Variants in TRIM24 observed in about 807,000 individuals in gnomAD.
The protein encoded by TRIM24 is tripartite motif containing 24, also known as transcription intermediary factor 1-alpha.
A neutral mutation model predicts 123.9 loss-of-function variants in TRIM24; 29 were observed. The observed-to-expected ratio is 0.23, with a 90% CI of 0.17 to 0.32. The LOEUF is 0.32. Among genes scored for constraint, TRIM24 ranks in the 10% least tolerant of loss-of-function variants. The pLI, the probability that TRIM24 is intolerant of heterozygous loss-of-function variation, is 1.00. For missense variants in TRIM24, 932 were observed against 1,295.3 expected, an observed-to-expected ratio of 0.72 and a Z score of 4.31; for synonymous variants, 456 against 461.1, an observed-to-expected ratio of 0.99 and a Z score of 0.14.
intron 9 of TRIM24, among the ~76,000 whole-genome samples, chr7:138,566,170 A>C (rs1033594696): frequency 6.6e-6 from 1 of 151,892 alleles, no homozygotes; most frequent in Non-Finnish European, 1.5e-5. Context: ...TGATTCCTTC[A>C]CCCAGCCTTC....
At chr7:138,580,350 T>C (rs1450963461) in intron 15 of TRIM24, among the ~76,000 whole-genome samples, 1 of 152,164 alleles carries the variant, frequency 6.6e-6, no homozygotes, top group Admixed American at 6.5e-5. Context: ...TAACTAGATT[T>C]TGATGTTTGT....
intron 7 of TRIM24, among the ~76,000 whole-genome samples, chr7:138,539,840 G>A (rs1412594203): frequency 3.7e-5 from 5 of 134,624 alleles, no homozygotes; most frequent in East Asian, 2.2e-4. Context: ...TCACTCTGTC[G>A]CCCAGGCTGG....
intron 1 of TRIM24, among the ~76,000 whole-genome samples, chr7:138,487,806 CTT>C (rs1031829118): frequency 6.6e-6 from 1 of 151,986 alleles, no homozygotes; most frequent in Non-Finnish European, 1.5e-5. Flanking sequence ...CTAAAATTCT[CTT>C]TTTTTGTTGT....
intron 1 of TRIM24, among the ~76,000 whole-genome samples, chr7:138,473,934 C>T (rs1252635283): frequency 6.6e-6 from 1 of 151,972 alleles, no homozygotes; most frequent in Non-Finnish European, 1.5e-5. Context: ...CCATACCTGG[C>T]TAATTTTTAT....
At chr7:138,515,984 C>G (rs994170082) in intron 3 of TRIM24, among the ~76,000 whole-genome samples, 3 of 152,170 alleles carry the variant, frequency 2.0e-5, no homozygotes, top group African/African-American at 7.2e-5. Context: ...CAATCAGCAT[C>G]TTTGTACCCT....
intron 1 of TRIM24, among the ~76,000 whole-genome samples, chr7:138,502,064 A>G (rs938396464): frequency 5.3e-5 from 8 of 152,146 alleles, no homozygotes; most frequent in Admixed American, 3.3e-4. Context: ...TTTGGTTTCA[A>G]TTTGTTCCTT....
intron 1 of TRIM24, among the ~76,000 whole-genome samples, chr7:138,495,158 G>A (rs772391886): frequency 6.6e-6 from 1 of 152,196 alleles, no homozygotes; most frequent in Non-Finnish European, 1.5e-5. Flanking sequence ...GGAAGGTGAA[G>A]TAGGGCAAAT....
At chr7:138,529,018 G>A in intron 5 of TRIM24, 98 bp from the exon 6 acceptor site, 1 of 576,744 alleles carries the variant, frequency 1.7e-6, no homozygotes. Flanking sequence ...GAGCTTCTAA[G>A]GGCTGAAAAC....
chr7:138,574,644 C>T (rs1797719895), intron 12 of TRIM24, among the ~76,000 whole-genome samples: 1 of 152,024 alleles, frequency 6.6e-6, no homozygotes, highest in Non-Finnish European at 1.5e-5. Context: ...TTAGCTAAGA[C>T]TTAAATAATA....
At chr7:138,536,469 G>C (rs1377878447) in intron 6 of TRIM24, among the ~76,000 whole-genome samples, 1 of 152,222 alleles carries the variant, frequency 6.6e-6, no homozygotes, top group Non-Finnish European at 1.5e-5. Flanking sequence ...GTTGGAGTTT[G>C]GTGGAGGTCC....
intron 1 of TRIM24, among the ~76,000 whole-genome samples, chr7:138,483,006 C>T (rs945092549): frequency 5.5e-4 from 84 of 152,260 alleles, no homozygotes; most frequent in African/African-American, 1.9e-3. Context: ...CAGCCTCAGC[C>T]TCCTGGGCTC....
chr7:138,489,117 T>G (rs908031393), intron 1 of TRIM24, among the ~76,000 whole-genome samples: 1 of 152,196 alleles, frequency 6.6e-6, no homozygotes, highest in Non-Finnish European at 1.5e-5. Flanking sequence ...CTTCTTTGTC[T>G]CCTTTGATCT....
At chr7:138,578,237 C>CT (rs1797806437) in intron 14 of TRIM24, among the ~76,000 whole-genome samples, 1 of 152,008 alleles carries the variant, frequency 6.6e-6, no homozygotes, top group Non-Finnish European at 1.5e-5. Flanking sequence ...CAAAAAATGT[C>CT]TTAGTACATT....
chr7:138,464,704 C>T lies in TRIM24; in HGVS notation c.364+3792C>T, dbSNP rs146642663. ...TAATTTATGGGCCCATGCTATAGGC[C>T]AAACAATAGGTTTGTTGAGGCCAAA... On this transcript the variant is annotated intron_variant, in intron 1 of 18. Transcript: ENST00000343526. 6.6e-5 allele frequency among the ~76,000 whole-genome samples: 10 copies of T among 152,058 alleles called. No individual in the cohort carries two copies. The East Asian group carries it at 1.9e-3, about 29-fold the overall frequency.
chr7:138,544,451 A>G (rs895349412), intron 7 of TRIM24, among the ~76,000 whole-genome samples: 1 of 152,174 alleles, frequency 6.6e-6, no homozygotes, highest in African/African-American at 2.4e-5. Context: ...TATCTTGGCC[A>G]TTGTGAATAA....
chr7:138,494,946 T>G lies in TRIM24; in HGVS notation c.365-9344T>G, dbSNP rs187289351. On this transcript the variant is annotated intron_variant, in intron 1 of 18. Coordinates refer to ENST00000343526, the MANE Select transcript of TRIM24 (RefSeq NM_015905.3). ...AAGCTGTAAAAAAGACTGGTTGAGG[T>G]ACATACCATGTGAGGAAAAAAAGAA... 2.0e-5 allele frequency among the ~76,000 whole-genome samples: 3 copies of G among 152,308 alleles called. No homozygotes were observed. In the East Asian group the frequency reaches 5.8e-4, roughly 29 times the overall value.
At chr7:138,553,388 T>A (rs1473590310) in intron 8 of TRIM24, among the ~76,000 whole-genome samples, 2 of 152,234 alleles carry the variant, frequency 1.3e-5, no homozygotes, top group African/African-American at 4.8e-5. Flanking sequence ...TAAAAGAGAA[T>A]GTTATTGTTT....
intron 1 of TRIM24, among the ~76,000 whole-genome samples, chr7:138,485,750 A>T (rs1387184464): frequency 1.3e-5 from 2 of 152,188 alleles, no homozygotes; most frequent in Non-Finnish European, 2.9e-5. Context: ...ACTGATGGAC[A>T]TTTGGGTTGG....
intron 7 of TRIM24, among the ~76,000 whole-genome samples, chr7:138,545,260 T>C (rs916289591): frequency 6.6e-6 from 1 of 152,112 alleles, no homozygotes; most frequent in Non-Finnish European, 1.5e-5. Flanking sequence ...GGCACCAGCA[T>C]GGTGACTGAG....
Sources: allele counts gnomAD v4.1 joint callset (sites outside exome capture counted in the v4.1 genomes callset), GRCh38; gene constraint gnomAD v4.1.1; transcripts MANE v1.5; gene names NCBI Gene and HGNC (gene_info 2026-07-23, HGNC 2026-07-21).